TSPAN18: variants seen among roughly 807,000 people sequenced by gnomAD.
The protein encoded by TSPAN18 is tetraspanin 18, also known as tetraspanin-18.
In TSPAN18, 14 loss-of-function variants were observed where a neutral mutation model predicts 27.3. That is an observed-to-expected ratio of 0.51 (90% CI 0.34 to 0.80). The LOEUF is 0.80. Ranked by LOEUF, TSPAN18 falls within the 30% of genes least tolerant of loss-of-function variation. The probability of loss-of-function intolerance (pLI) is 0.01; values close to 1 mark genes in which losing one functional copy is unlikely to be tolerated. For missense variants in TSPAN18, 268 were observed against 323.9 expected (o/e 0.83, Z 1.32); for synonymous variants, 143 against 136.5 (o/e 1.05, Z -0.33).
At chr11:44,913,745 C>T (rs1274028960) in intron 5 of TSPAN18, among the ~76,000 whole-genome samples, 2 of 152,252 alleles carry the variant, frequency 1.3e-5, no homozygotes, top group African/African-American at 2.4e-5. Flanking sequence ...GTTTCCTCCC[C>T]TTTGCTAATT....
At chr11:44,757,541 GC>G (rs1401407177) in intron 1 of TSPAN18, among the ~76,000 whole-genome samples, 1 of 152,028 alleles carries the variant, frequency 6.6e-6, no homozygotes, top group African/African-American at 2.4e-5. Context: ...GTGCCACCAT[GC>G]CCAGCTGACT....
At position 44,881,595 on chromosome 11, in the gene TSPAN18, T is replaced by C. The variant is rs566176874; in HGVS notation, c.-11+21126T>C. Among the ~76,000 whole-genome samples, 7 of 152,302 alleles carry C rather than the reference T, an allele frequency of 4.6e-5. No homozygotes were observed. In the East Asian group the frequency reaches 7.7e-4, roughly 17 times the overall value. On this transcript the variant is annotated intron_variant, in intron 3 of 9. Transcript: ENST00000520358. ...TGTTGGAAGGCTGCAATGAACTGTA[T>C]GGGAAAATACATCTCCGCCACCTGT...
chr11:44,784,533 G>T (rs1856011203), intron 2 of TSPAN18, among the ~76,000 whole-genome samples: 1 of 152,222 alleles, frequency 6.6e-6, no homozygotes, highest in South Asian at 2.1e-4. Context: ...CCGCTCTGGA[G>T]ACTCTGTGCT....
At chr11:44,757,374 G>A (rs969445823) in intron 1 of TSPAN18, among the ~76,000 whole-genome samples, 4 of 144,930 alleles carry the variant, frequency 2.8e-5, no homozygotes, top group East Asian at 5.8e-4. Flanking sequence ...GCTGAGAAAT[G>A]ATTATTTATT....
chr11:44,761,906 C>T (rs1258165747), intron 1 of TSPAN18, among the ~76,000 whole-genome samples: 1 of 152,246 alleles, frequency 6.6e-6, no homozygotes, highest in African/African-American at 2.4e-5. Context: ...CCAAGTCCCA[C>T]ACGCCTCCCT....
intron 2 of TSPAN18, among the ~76,000 whole-genome samples, chr11:44,799,319 C>T (rs190853657): frequency 6.6e-6 from 1 of 152,300 alleles, no homozygotes; most frequent in Non-Finnish European, 1.5e-5. Context: ...CACCCCACCC[C>T]AACTTCGGAG....
At chr11:44,901,777 G>A (rs1346036217) in intron 3 of TSPAN18, among the ~76,000 whole-genome samples, 1 of 152,202 alleles carries the variant, frequency 6.6e-6, no homozygotes, top group Non-Finnish European at 1.5e-5. Flanking sequence ...GTGGAGTTGG[G>A]TGAGTGGTGT....
At chr11:44,846,099 G>A (rs1453729821) in intron 2 of TSPAN18, among the ~76,000 whole-genome samples, 1 of 152,214 alleles carries the variant, frequency 6.6e-6, no homozygotes, top group East Asian at 1.9e-4. Context: ...CTTTGCAGGT[G>A]GCATCTCTTT....
At chr11:44,875,807 A>G (rs918200223) in intron 3 of TSPAN18, among the ~76,000 whole-genome samples, 1 of 152,236 alleles carries the variant, frequency 6.6e-6, no homozygotes, top group African/African-American at 2.4e-5. Flanking sequence ...ATGAGCTAGG[A>G]TTTATATAAA....
chr11:44,816,196 A>G (rs1856815474), intron 2 of TSPAN18, among the ~76,000 whole-genome samples: 1 of 152,222 alleles, frequency 6.6e-6, no homozygotes, highest in Non-Finnish European at 1.5e-5. Context: ...CACTGGACTG[A>G]AAAGGTGCAC....
chr11:44,781,352 G>A (rs188544297), intron 2 of TSPAN18, among the ~76,000 whole-genome samples: 200 of 152,358 alleles, frequency 1.3e-3, no homozygotes, highest in African/African-American at 4.4e-3. Flanking sequence ...GAAACCATGA[G>A]GTGGCTAAGT....
At chr11:44,732,109 C>A (rs1854675536) in intron 1 of TSPAN18, among the ~76,000 whole-genome samples, 1 of 152,248 alleles carries the variant, frequency 6.6e-6, no homozygotes, top group South Asian at 2.1e-4. Flanking sequence ...GTGGGCTGGG[C>A]CCGGTCCGTG....
chr11:44,821,540 T>C lies in TSPAN18; in HGVS notation c.-152-38788T>C, dbSNP rs570626774. Reference sequence around the variant, plus strand: ...TCTTGAAGTACATCATCTTCATTATTTTTCTCAGATAATTTCTCTGTGGGG... The same window carrying C: ...TCTTGAAGTACATCATCTTCATTATCTTTCTCAGATAATTTCTCTGTGGGG... On this transcript the variant is annotated intron_variant, in intron 2 of 9. Transcript: ENST00000520358. 2.0e-5 allele frequency among the ~76,000 whole-genome samples: 3 copies of C among 152,368 alleles called. No individual in the cohort carries two copies. In the East Asian group the frequency reaches 5.8e-4, roughly 29 times the overall value.
intron 2 of TSPAN18, among the ~76,000 whole-genome samples, chr11:44,825,297 C>G (rs1469615143): frequency 6.6e-6 from 1 of 152,236 alleles, no homozygotes; most frequent in Non-Finnish European, 1.5e-5. Context: ...TTTTGCAGAT[C>G]ACCTCAGCGC....
intron 3 of TSPAN18, among the ~76,000 whole-genome samples, chr11:44,874,034 T>C (rs1195010285): frequency 1.3e-5 from 2 of 152,126 alleles, no homozygotes; most frequent in Non-Finnish European, 2.9e-5. Context: ...TGGCCCTACA[T>C]CTGTTTCTTA....
chr11:44,820,452 C>T (rs1454218645), intron 2 of TSPAN18, among the ~76,000 whole-genome samples: 1 of 152,222 alleles, frequency 6.6e-6, no homozygotes, highest in Non-Finnish European at 1.5e-5. Flanking sequence ...AAGCTATGGA[C>T]AGAGCTTTTT....
intron 9 of TSPAN18, 65 bp downstream of exon 9, chr11:44,926,822 C>T (rs1295069575): frequency 6.5e-7 from 1 of 1,536,008 alleles, no homozygotes; most frequent in Non-Finnish European, 9.0e-7. Context: ...CTAGGCAGAT[C>T]CCCCCAGCCT....
chr11:44,859,532 G>A (rs1003012721), intron 2 of TSPAN18: 1 of 152,188 alleles, frequency 6.6e-6, no homozygotes, highest in African/African-American at 2.4e-5. Context: ...TGTGGCCAAG[G>A]TCCACCTGCC....
rs374529772 is a variant in TSPAN18 at position 44,929,242 on chromosome 11, C to T, written c.*64C>T. 117 of 1,600,354 alleles carry T rather than the reference C, an allele frequency of 7.3e-5. 1 individual carries two copies. Among genetic ancestry groups the T allele is most frequent in the East Asian group, 5.6e-4 (25 of 44,766 alleles). On this transcript the variant is annotated 3_prime_UTR_variant, in exon 10 of 10. Transcript: ENST00000520358. The stretch of plus-strand genomic sequence containing the variant: ...CACTGCCCAGCACCCAGTGTCCTCC[C>T]GTGCCCCTCCCCGCTGTCCTCTTGG...
Sources: allele counts gnomAD v4.1 joint callset (sites outside exome capture counted in the v4.1 genomes callset), GRCh38; gene constraint gnomAD v4.1.1; transcripts MANE v1.5; gene names NCBI Gene and HGNC (gene_info 2026-07-23, HGNC 2026-07-21).